ZNF563: variants seen among roughly 807,000 people sequenced by gnomAD.
ZNF563 encodes zinc finger protein 563.
ZNF563 carries 39 observed loss-of-function variants against 48.5 expected under a neutral mutation model. That is an observed-to-expected ratio of 0.80 (90% CI 0.62 to 1.05). ZNF563 has a LOEUF of 1.05. Among genes scored for constraint, ZNF563 ranks in the 50% least tolerant of loss-of-function variants. ZNF563 has a pLI of 0.00. For synonymous variants in ZNF563, 168 were observed against 187.9 expected, an observed-to-expected ratio of 0.89 and a Z score of 0.87; for missense variants, 538 against 597.0, an observed-to-expected ratio of 0.90 and a Z score of 1.03.
Position 12,319,689 on chromosome 19 carries a change from T to C in ZNF563, c.336A>G (p.Ile112Met), listed in dbSNP as rs765059259. Residue 112 changes from isoleucine to methionine, a missense_variant, in exon 4 of 4, where the codon ATA becomes ATG. Coordinates refer to ENST00000293725, the MANE Select transcript of ZNF563 (RefSeq NM_145276.3). ...GGCTATTAAGGGATAAATGACCCAT[T>C]ATGACTTCTTCACACTCAGCGCTTT... Reference protein sequence around the residue: ...PCQSAECEEVIMGHLSLNSHI... With the variant: ...PCQSAECEEVMMGHLSLNSHI... The C allele has an allele frequency of 6.2e-7, 1 of 1,614,168 alleles. No homozygotes were observed. The highest frequency in any genetic ancestry group is 8.5e-7 in the Non-Finnish European group (1 of 1,180,032).
At chr19:12,342,584 G>A in the ZNF563 span, among the ~76,000 whole-genome samples, 1 of 150,574 alleles carries the variant, frequency 6.6e-6, no homozygotes, top group Non-Finnish European at 1.5e-5. Context: ...ACCAGCCTGG[G>A]CAACATAGTA....
At chr19:12,345,794 C>T in the ZNF563 span, among the ~76,000 whole-genome samples, 2 of 151,956 alleles carry the variant, frequency 1.3e-5, no homozygotes, top group Admixed American at 1.3e-4. Context: ...TGCCTATAAT[C>T]CCAGCTACTT....
At position 12,321,328 on chromosome 19, in the gene ZNF563, C is replaced by T. The variant is rs755398719; in HGVS notation, c.135G>A (p.Met45Ile). ...ETIRNLDCIR[M>I]IWEEQNTEDQ... ...CTTCAGTATTCTGTTCTTCCCATATCATTCCTAAAAGGGAGACCCAGAAAA... is the reference window on the plus strand; with the variant it reads ...CTTCAGTATTCTGTTCTTCCCATATTATTCCTAAAAGGGAGACCCAGAAAA... The change falls in exon 3 of 4, where the codon ATG (methionine) becomes ATA (isoleucine). Residue 45 changes from methionine (M) to isoleucine (I), a missense_variant. Transcript: ENST00000293725. The T allele has an allele frequency of 3.2e-6, 5 of 1,549,174 alleles. No homozygotes were observed. In the Admixed American group the frequency reaches 1.1e-4, roughly 33 times the overall value.
chr19:12,325,079 T>C (rs1456484746), intron 1 of ZNF563: 1 of 152,222 alleles, frequency 6.6e-6, no homozygotes, highest in African/African-American at 2.4e-5. Flanking sequence ...CTGTCTTTTC[T>C]ATTTCATCTA....
upstream of ZNF563, among the ~76,000 whole-genome samples, chr19:12,337,687 C>T (rs1299307316): frequency 1.3e-5 from 2 of 151,984 alleles, no homozygotes; most frequent in African/African-American, 2.4e-5. Context: ...ATTGGATTTC[C>T]CTGAATCTAA....
At chr19:12,339,017 C>T in the ZNF563 span, among the ~76,000 whole-genome samples, 1 of 152,184 alleles carries the variant, frequency 6.6e-6, no homozygotes, top group African/African-American at 2.4e-5. Flanking sequence ...TTGCAGGCAG[C>T]CATGCACATG....
chr19:12,340,235 G>A, the ZNF563 span, among the ~76,000 whole-genome samples: 1 of 152,206 alleles, frequency 6.6e-6, no homozygotes, highest in Admixed American at 6.5e-5. Context: ...TCCGGAAGCT[G>A]AGGCAGAAGG....
intron 1 of ZNF563, among the ~76,000 whole-genome samples, chr19:12,331,065 G>C (rs1968905587): frequency 6.6e-6 from 1 of 151,990 alleles, no homozygotes; most frequent in African/African-American, 2.4e-5. Context: ...AAGTAAACAA[G>C]AATTTTTTAA....
chr19:12,319,823 C>T lies in ZNF563; in HGVS notation c.202G>A (p.Val68Ile). ...TCTTTACTTTCACTGAATCTCTCTA[C>T]CATATGACATCTGTAAAAAATGAGT... ...NPRRNLRCHM[V>I]ERFSESKDSS... Residue 68 changes from valine to isoleucine, a missense_variant, in exon 4 of 4, where the codon GTA (valine) becomes ATA (isoleucine). By Grantham distance (29) the Val-to-Ile change is conservative. Transcript: ENST00000293725. The T allele has an allele frequency of 6.2e-7, 1 of 1,610,260 alleles. No homozygotes were observed. The highest frequency in any genetic ancestry group is 8.5e-7 in the Non-Finnish European group (1 of 1,177,442).
chr19:12,323,060 A>G (rs1356803279), intron 1 of ZNF563, among the ~76,000 whole-genome samples: 1 of 152,234 alleles, frequency 6.6e-6, no homozygotes, highest in Non-Finnish European at 1.5e-5. Flanking sequence ...GAGAGCTACC[A>G]TTAGCAGTCC....
chr19:12,328,480 AAAGAG>A (rs1968845518), intron 1 of ZNF563, among the ~76,000 whole-genome samples: 2 of 152,150 alleles, frequency 1.3e-5, no homozygotes, highest in Non-Finnish European at 2.9e-5. Flanking sequence ...GTCTCTTAAA[AAAGAG>A]AAAAGAGCTG....
At chr19:12,335,899 C>A (rs973723921), upstream of ZNF563, among the ~76,000 whole-genome samples, 3 of 152,182 alleles carry the variant, frequency 2.0e-5, no homozygotes, top group African/African-American at 7.2e-5. Flanking sequence ...CCTGGATATA[C>A]GCGTTAAATA....
intron 1 of ZNF563, among the ~76,000 whole-genome samples, chr19:12,324,720 G>GAAA (rs61639995): frequency 1.6e-4 from 9 of 56,792 alleles, no homozygotes; most frequent in East Asian, 5.8e-4. Flanking sequence ...TCCGTCTCAA[G>GAAA]AAAAAAAAAA....
In ZNF563 at chr19:12,317,724, G is replaced by A. The variant is rs1396881226; in HGVS notation, c.*870C>T. 2 of 152,236 alleles carry A rather than the reference G, an allele frequency of 1.3e-5. No homozygotes were observed. The highest frequency in any genetic ancestry group is 1.3e-4 in the Admixed American group (2 of 15,274). 9.4% of individuals were successfully genotyped at this position (152,236 alleles called of 1,614,324 possible). On this transcript the variant is annotated 3_prime_UTR_variant, in exon 4 of 4. Transcript: ENST00000293725. ...ATTTATGTATGCCCAGGGGGTGGTA[G>A]AACCACGCTCCTGCAAATATTAGGG...
At chr19:12,336,208 C>A (rs1159705874), upstream of ZNF563, among the ~76,000 whole-genome samples, 1 of 152,110 alleles carries the variant, frequency 6.6e-6, no homozygotes, top group African/African-American at 2.4e-5. Flanking sequence ...GGCCTGTAAT[C>A]CCAGCACTTT....
chr19:12,327,273 A>G (rs1488643357), intron 1 of ZNF563, among the ~76,000 whole-genome samples: 2 of 152,074 alleles, frequency 1.3e-5, no homozygotes, highest in Non-Finnish European at 2.9e-5. Context: ...CAGCCTGGCC[A>G]ACATGGTGAA....
At position 12,317,928 on chromosome 19, in the gene ZNF563, G is replaced by C. The variant is rs375613846; in HGVS notation, c.*666C>G. The C allele has an allele frequency of 2.5e-5, 5 of 199,922 alleles. No individual in the cohort carries two copies. In the East Asian group the frequency reaches 6.2e-4, roughly 25 times the overall value. The allele number at this position is 199,922 out of a possible 1,614,324, so 12.4% of individuals were successfully genotyped here. ...CTCCAGTGAGTCCTTTTATGTCTAT[G>C]CAAGGACCTGAGAGAACTCAATGCT... is the stretch of plus-strand genomic sequence containing the variant. On this transcript the variant is annotated 3_prime_UTR_variant, in exon 4 of 4. Coordinates refer to ENST00000293725, the MANE Select transcript of ZNF563 (RefSeq NM_145276.3).
In ZNF563 at chr19:12,318,582, A is replaced by G. The variant is rs1363376888; in HGVS notation, c.*12T>C. The G allele has an allele frequency of 6.2e-7, 1 of 1,604,968 alleles. No homozygotes were observed. The highest frequency in any genetic ancestry group is 8.5e-7 in the Non-Finnish European group (1 of 1,175,186). On this transcript the variant is annotated 3_prime_UTR_variant, in exon 4 of 4. Coordinates refer to ENST00000293725, the MANE Select transcript of ZNF563 (RefSeq NM_145276.3). ...GAACTGGAAATATAGAAGGCTTTAT[A>G]ATAGTTTACATTCATATTGTTTCTC... is the stretch of plus-strand genomic sequence containing the variant.
At chr19:12,322,135 G>A (rs372182330) in intron 2 of ZNF563, among the ~76,000 whole-genome samples, 12 of 151,826 alleles carry the variant, frequency 7.9e-5, no homozygotes, top group Admixed American at 6.6e-5. Flanking sequence ...GGCTCACTGC[G>A]ACCTCTGCCT....
Sources: allele counts gnomAD v4.1 joint callset (sites outside exome capture counted in the v4.1 genomes callset), GRCh38; gene constraint gnomAD v4.1.1; transcripts MANE v1.5; gene names NCBI Gene and HGNC (gene_info 2026-07-23, HGNC 2026-07-21).